TTLL5: variants seen among roughly 807,000 people sequenced by gnomAD.
The protein encoded by TTLL5 is tubulin polyglutamylase TTLL5.
In TTLL5, 132 loss-of-function variants were observed where a neutral mutation model predicts 168.4. That is an observed-to-expected ratio of 0.78 (90% CI 0.68 to 0.91). The LOEUF (loss-of-function observed/expected upper bound fraction) is 0.91. TTLL5 is among the 40% of genes least tolerant of loss of function. The probability of loss-of-function intolerance (pLI) is 0.00; values close to 1 mark genes in which losing one functional copy is unlikely to be tolerated. For missense variants in TTLL5, 1,545 were observed against 1,581.5 expected, an observed-to-expected ratio of 0.98 and a Z score of 0.39; for synonymous variants, 546 against 558.6, an observed-to-expected ratio of 0.98 and a Z score of 0.32.
intron 28 of TTLL5, among the ~76,000 whole-genome samples, chr14:75,851,095 CAAA>C (rs35393032): frequency 9.4e-5 from 9 of 95,950 alleles, no homozygotes; most frequent in Non-Finnish European, 1.2e-4. Flanking sequence ...GACCTTGTCT[CAAA>C]AAAAAAAAAA....
intron 28 of TTLL5, among the ~76,000 whole-genome samples, chr14:75,827,754 T>G (rs550333421): frequency 1.1e-4 from 15 of 133,192 alleles, no homozygotes; most frequent in African/African-American, 4.0e-4. Context: ...AAGGTCTCAC[T>G]CTGTCACCAG....
At chr14:75,950,841 G>A (rs1307681757) in intron 31 of TTLL5, among the ~76,000 whole-genome samples, 4 of 152,004 alleles carry the variant, frequency 2.6e-5, no homozygotes, top group Non-Finnish European at 4.4e-5. Flanking sequence ...GGTGGCACAC[G>A]CCTGTGGTCC....
chr14:75,694,363 G>A (rs1244398655), intron 6 of TTLL5, among the ~76,000 whole-genome samples: 1 of 152,048 alleles, frequency 6.6e-6, no homozygotes, highest in African/African-American at 2.4e-5. Context: ...TTTTGAGACA[G>A]TCTTACTCTA....
At chr14:75,665,767 G>T (rs1011853859) in intron 2 of TTLL5, among the ~76,000 whole-genome samples, 3 of 152,128 alleles carry the variant, frequency 2.0e-5, no homozygotes, top group Non-Finnish European at 4.4e-5. Flanking sequence ...CAGGTGAATC[G>T]CTTGAACCTG....
chr14:75,668,958 TCAC>T (rs1883503888), intron 2 of TTLL5, among the ~76,000 whole-genome samples: 1 of 152,222 alleles, frequency 6.6e-6, no homozygotes, highest in African/African-American at 2.4e-5. Flanking sequence ...ACTTTCTCCT[TCAC>T]CAACAGCTAC....
rs2030287649 is a variant in TTLL5 at position 75,863,983 on chromosome 14, C to G, written c.3522+121C>G. On this transcript the variant is annotated intron_variant, in intron 29 of 31. Transcript: ENST00000298832. ...ATTAGTTTTCCAACCCCGTGCCATC[C>G]TGGCTTGGACAGCTCATGGGGAGTC... The G allele has an allele frequency of 5.8e-6, 6 of 1,043,294 alleles. 1 individual carries two copies. The South Asian group carries it at 1.2e-4, about 21-fold the overall frequency. 64.6% of individuals were successfully genotyped at this position (1,043,294 alleles called of 1,614,324 possible).
At chr14:75,745,623 C>A in intron 17 of TTLL5, 42 bp downstream of exon 17, 1 of 1,527,244 alleles carries the variant, frequency 6.5e-7, no homozygotes, top group Non-Finnish European at 9.1e-7. Context: ...ACCTGAGGTC[C>A]ATAGAATTAG....
At chr14:75,691,296 G>T (rs1226601432) in intron 6 of TTLL5, among the ~76,000 whole-genome samples, 1 of 152,214 alleles carries the variant, frequency 6.6e-6, no homozygotes, top group Non-Finnish European at 1.5e-5. Context: ...GCGCTGGGCT[G>T]GTTTCAGGCT....
chr14:75,816,971 C>CTTTTTTTTTTTTTTTTTTTTTTT (rs1388428211), intron 27 of TTLL5, among the ~76,000 whole-genome samples: 1 of 101,534 alleles, frequency 9.8e-6, no homozygotes, highest in African/African-American at 3.7e-5. Context: ...TCTTCCCTGT[C>CTTTTTTTTTTTTTTTTTTTTTTT]TTATTTTTTT....
At chr14:75,835,613 C>T (rs1895823592) in intron 28 of TTLL5, 1 of 151,964 alleles carries the variant, frequency 6.6e-6, no homozygotes, top group Admixed American at 6.6e-5. Context: ...GTAGTTAAAC[C>T]CACAGAAGGG....
At chr14:75,913,568 G>A (rs754995995) in intron 31 of TTLL5, among the ~76,000 whole-genome samples, 2 of 151,468 alleles carry the variant, frequency 1.3e-5, no homozygotes, top group Non-Finnish European at 2.9e-5. Context: ...TCCCAATTCA[G>A]AAAAGAAAAC....
At chr14:75,922,520 G>A (rs1413637428) in intron 31 of TTLL5, among the ~76,000 whole-genome samples, 1 of 152,166 alleles carries the variant, frequency 6.6e-6, no homozygotes, top group Non-Finnish European at 1.5e-5. Context: ...TTCTGTTTAT[G>A]TGATGGATTA....
chr14:75,818,420 G>T, intron 27 of TTLL5: 1 of 369,938 alleles, frequency 2.7e-6, no homozygotes, highest in South Asian at 2.0e-5. Flanking sequence ...TTCATATTGT[G>T]ATTTTTGCTA....
rs1341418983 is a variant in TTLL5 at position 75,773,925 on chromosome 14, T to TAGAG, written c.2137-1558_2137-1557insGAGA. Among the ~76,000 whole-genome samples, 112 of 26,256 alleles carry TAGAG rather than the reference T, an allele frequency of 4.3e-3. 1 individual carries two copies. Among genetic ancestry groups the TAGAG allele is most frequent in the Admixed American group, 0.013 (23 of 1,796 alleles). 17.2% of individuals were successfully genotyped at this position (26,256 alleles called of 152,430 possible). ...AAAAATACATATATATATATATATA[T>TAGAG]ATAGAGAGAGAGAGAGAGAGAGAGA... On this transcript the variant is annotated intron_variant, in intron 21 of 31. Coordinates refer to ENST00000298832, the MANE Select transcript of TTLL5 (RefSeq NM_015072.5).
chr14:75,746,039 T>C (rs530327857), intron 17 of TTLL5, among the ~76,000 whole-genome samples: 76 of 152,308 alleles, frequency 5.0e-4, no homozygotes, highest in South Asian at 2.9e-3. Flanking sequence ...AATATTTCCA[T>C]CACCCTCGTA....
At chr14:75,728,358 G>GAAAA (rs11326438) in intron 12 of TTLL5, among the ~76,000 whole-genome samples, 1 of 99,680 alleles carries the variant, frequency 1.0e-5, no homozygotes, top group Non-Finnish European at 2.2e-5. Context: ...CTCCATCTCA[G>GAAAA]AAAAAAAAAA....
chr14:75,767,327 T>A (rs1891027666), intron 20 of TTLL5, among the ~76,000 whole-genome samples: 1 of 152,170 alleles, frequency 6.6e-6, no homozygotes, highest in Non-Finnish European at 1.5e-5. Context: ...TGGGGAAGAA[T>A]GACAGTTAAC....
intron 26 of TTLL5, among the ~76,000 whole-genome samples, chr14:75,785,176 CTTTTTTTTTT>C (rs903930146): frequency 9.8e-6 from 1 of 102,558 alleles, no homozygotes; most frequent in African/African-American, 4.2e-5. Flanking sequence ...AGATTTCCTC[CTTTTTTTTTT>C]TTTTTTTTTT....
intron 18 of TTLL5, among the ~76,000 whole-genome samples, chr14:75,760,454 T>G (rs1890562057): frequency 1.3e-5 from 2 of 152,080 alleles, no homozygotes; most frequent in Non-Finnish European, 2.9e-5. Flanking sequence ...CAATCATTAT[T>G]CTGGTAGATT....
Sources: gnomAD v4.1 joint callset for allele counts (sites outside exome capture counted in the v4.1 genomes callset) on GRCh38, gnomAD v4.1.1 for gene constraint, MANE v1.5 for transcripts, NCBI Gene and HGNC (gene_info 2026-07-23, HGNC 2026-07-21) for gene names.